Variants in TTC7A observed in about 807,000 individuals in gnomAD.
TTC7A encodes the protein tetratricopeptide repeat protein 7A.
TTC7A carries 110 observed loss-of-function variants against 103.7 expected under a neutral mutation model. The ratio of observed to expected loss-of-function variants is 1.06; its 90% CI spans 0.91 to 1.24. The LOEUF (loss-of-function observed/expected upper bound fraction) is 1.24. Ranked by LOEUF, TTC7A falls within the 50% of genes most tolerant of loss-of-function variation. The pLI, the probability that TTC7A is intolerant of heterozygous loss-of-function variation, is 0.00. For missense variants in TTC7A, 1,340 were observed against 1,116.3 expected (o/e 1.20, Z -2.86); for synonymous variants, 521 against 467.9 (o/e 1.11, Z -1.47).
intron 11 of TTC7A, among the ~76,000 whole-genome samples, chr2:47,019,546 G>A (rs1203551773): frequency 2.6e-5 from 4 of 152,150 alleles, no homozygotes; most frequent in South Asian, 4.1e-4. Context: ...TACTAATCTC[G>A]GGGTCAGAGT....
chr2:47,049,925 C>T (rs1682703432), intron 16 of TTC7A, 24 bp from the exon 17 acceptor site: 1 of 1,597,974 alleles, frequency 6.3e-7, no homozygotes, highest in Admixed American at 1.7e-5. Context: ...CCTTACCGGA[C>T]CCTGGCCCTC....
intron 11 of TTC7A, among the ~76,000 whole-genome samples, chr2:47,018,901 A>G (rs938236813): frequency 2.0e-5 from 3 of 152,182 alleles, no homozygotes; most frequent in African/African-American, 7.2e-5. Context: ...GATTTGGACC[A>G]GGGTGTTTGG....
chr2:46,998,682 G>A (rs1676476740), intron 8 of TTC7A, among the ~76,000 whole-genome samples: 1 of 152,166 alleles, frequency 6.6e-6, no homozygotes, highest in African/African-American at 2.4e-5. Flanking sequence ...CAACCCAGGA[G>A]GCATCATCAT....
chr2:46,976,308 T>TG (rs1673872494), intron 4 of TTC7A, among the ~76,000 whole-genome samples: 1 of 152,350 alleles, frequency 6.6e-6, no homozygotes, highest in African/African-American at 2.4e-5. Context: ...CATTAATAAG[T>TG]GCTATTGGCA....
Position 46,978,676 on chromosome 2 carries a change from A to G in TTC7A, c.649-116A>G, listed in dbSNP as rs1393511120. 5.2e-5 allele frequency: 37 copies of G among 709,130 alleles called. No homozygotes were observed. The East Asian group carries it at 8.8e-4, about 17-fold the overall frequency. 43.9% of individuals were successfully genotyped at this position (709,130 alleles called of 1,614,324 possible). ...AGATCAAGCCTGGTCTGAGAATGCA[A>G]CAATGTGCCCCTGAACAACTGGGAC... On this transcript the variant is annotated intron_variant, in intron 4 of 19. Coordinates refer to ENST00000319190, the MANE Select transcript of TTC7A (RefSeq NM_020458.4).
chr2:46,978,800 T>C lies in TTC7A; in HGVS notation c.657T>C (p.Asn219=). The change falls in exon 5 of 20, where the codon AAT becomes AAC. Residue 219 remains asparagine, a synonymous_variant. Coordinates refer to ENST00000319190, the MANE Select transcript of TTC7A (RefSeq NM_020458.4). The part of the protein sequence containing the change: ...VFLQELEKTT[N]NSTSRHLKGC... Reference sequence around the variant, plus strand: ...TCTGTTTCCCTTCCCAGACCACAAATAACAGCACGTCGAGGCATCTGAAAG... The same window carrying C: ...TCTGTTTCCCTTCCCAGACCACAAACAACAGCACGTCGAGGCATCTGAAAG... The C allele has an allele frequency of 3.1e-6, 5 of 1,613,696 alleles. No homozygotes were observed. Among genetic ancestry groups the C allele is most frequent in the Non-Finnish European group, 4.2e-6 (5 of 1,179,820 alleles).
intron 4 of TTC7A, among the ~76,000 whole-genome samples, chr2:46,977,126 G>A (rs1184289801): frequency 3.3e-5 from 5 of 152,220 alleles, no homozygotes; most frequent in African/African-American, 9.7e-5. Flanking sequence ...GGATTAAGGC[G>A]ATGAGCTATA....
intron 10 of TTC7A, 48 bp downstream of exon 10, chr2:47,006,772 T>C: frequency 7.0e-7 from 1 of 1,437,184 alleles, no homozygotes. Flanking sequence ...CGCAGGGGGC[T>C]CTGCTGAGAT....
At chr2:46,942,588 A>G (rs1313740716) in intron 1 of TTC7A, among the ~76,000 whole-genome samples, 1 of 152,212 alleles carries the variant, frequency 6.6e-6, no homozygotes, top group Non-Finnish European at 1.5e-5. Context: ...CCTGTGTGCC[A>G]GACACTGTCC....
chr2:46,983,377 G>A (rs530054123), intron 5 of TTC7A, among the ~76,000 whole-genome samples: 2 of 152,206 alleles, frequency 1.3e-5, no homozygotes, highest in Non-Finnish European at 2.9e-5. Context: ...TCAGAGAAAC[G>A]GTGGCCTGGA....
intron 5 of TTC7A, among the ~76,000 whole-genome samples, chr2:46,992,872 T>A (rs2104377728): frequency 6.6e-6 from 1 of 152,332 alleles, no homozygotes; most frequent in South Asian, 2.1e-4. Flanking sequence ...GAAGTGTATG[T>A]GGGTAATGGG....
At chr2:46,957,146 A>G (rs1371834510) in intron 3 of TTC7A, 139 bp downstream of exon 3, 2 of 1,104,364 alleles carry the variant, frequency 1.8e-6, no homozygotes, top group Non-Finnish European at 2.6e-6. Context: ...TCTAAGGTGG[A>G]TGCCGGTGGC....
rs576510142 is a variant in TTC7A at position 46,959,963 on chromosome 2, A to G, written c.517+2956A>G. Among the ~76,000 whole-genome samples, 23 of 152,300 alleles carry G rather than the reference A, an allele frequency of 1.5e-4. 1 individual carries two copies. The highest frequency in any genetic ancestry group is 3.9e-4 in the Admixed American group (6 of 15,302). ...TGCTTAGAAACAATAGAAAAACCAC[A>G]TGTTCCCCCACTAAGATAGAAAAAT... On this transcript the variant is annotated intron_variant, in intron 3 of 19. Transcript: ENST00000319190.
intron 15 of TTC7A, among the ~76,000 whole-genome samples, chr2:47,033,119 T>C (rs1680743606): frequency 1.3e-5 from 2 of 152,180 alleles, no homozygotes; most frequent in Non-Finnish European, 2.9e-5. Flanking sequence ...AAAAATGTCA[T>C]TGCTCTTCGA....
At chr2:47,031,692 G>A (rs1219889489) in intron 15 of TTC7A, among the ~76,000 whole-genome samples, 2 of 152,210 alleles carry the variant, frequency 1.3e-5, no homozygotes, top group African/African-American at 2.4e-5. Context: ...TACCTGCCCA[G>A]TTCCAGCTGA....
At chr2:47,058,255 GT>G (rs1370707050) in intron 18 of TTC7A, among the ~76,000 whole-genome samples, 4 of 152,198 alleles carry the variant, frequency 2.6e-5, no homozygotes, top group African/African-American at 7.2e-5. Flanking sequence ...GCTTCTCTGT[GT>G]TTAATTCTCT....
At chr2:46,954,114 G>A (rs866992738) in intron 2 of TTC7A, among the ~76,000 whole-genome samples, 13 of 152,176 alleles carry the variant, frequency 8.5e-5, no homozygotes, top group African/African-American at 2.9e-4. Flanking sequence ...TTGGATTCAT[G>A]TGAAAGATGG....
chr2:47,063,034 A>G (rs983055255), intron 19 of TTC7A, among the ~76,000 whole-genome samples: 2 of 152,226 alleles, frequency 1.3e-5, no homozygotes, highest in African/African-American at 4.8e-5. Flanking sequence ...CAGCCTGGGG[A>G]AGATTTGCTA....
chr2:46,944,374 GT>G lies in TTC7A; in HGVS notation c.184+2672del, dbSNP rs34191565. On this transcript the variant is annotated intron_variant, in intron 1 of 19. Coordinates refer to ENST00000319190, the MANE Select transcript of TTC7A (RefSeq NM_020458.4). ...TTAAATAAGAACTCTGGTATTTTGG[GT>G]TTTTTTTTTTTTTTTTTTTTTTGAG... is the stretch of plus-strand genomic sequence containing the variant. Among the ~76,000 whole-genome samples, 205 of 88,950 alleles carry G rather than the reference GT, an allele frequency of 2.3e-3. 1 individual carries two copies. Among genetic ancestry groups the G allele is most frequent in the Middle Eastern group, 0.023 (2 of 86 alleles). 58.4% of individuals were successfully genotyped at this position (88,950 alleles called of 152,430 possible).
Sources: gnomAD v4.1 joint callset for allele counts (sites outside exome capture counted in the v4.1 genomes callset) on GRCh38, gnomAD v4.1.1 for gene constraint, MANE v1.5 for transcripts, NCBI Gene and HGNC (gene_info 2026-07-23, HGNC 2026-07-21) for gene names.